The following STK32B variants were observed in gnomAD, a reference collection of about 807,000 sequenced individuals.
The protein encoded by STK32B is serine/threonine kinase 32B, also known as serine/threonine-protein kinase 32B.
In STK32B, 43 loss-of-function variants were observed where a neutral mutation model predicts 52.6. The ratio of observed to expected loss-of-function variants is 0.82; its 90% CI spans 0.64 to 1.05. STK32B has a LOEUF of 1.05. Among genes scored for constraint, STK32B ranks in the 50% least tolerant of loss-of-function variants. The probability of loss-of-function intolerance (pLI) is 0.00; values close to 1 mark genes in which losing one functional copy is unlikely to be tolerated. For missense variants in STK32B, 621 were observed against 534.6 expected (o/e 1.16, Z -1.59); for synonymous variants, 238 against 204.3 (o/e 1.17, Z -1.41).
intron 1 of STK32B, among the ~76,000 whole-genome samples, chr4:5,113,805 G>T (rs1175813641): frequency 6.6e-6 from 1 of 152,146 alleles, no homozygotes; most frequent in African/African-American, 2.4e-5. Flanking sequence ...AGGTTTAATG[G>T]ACTTACAGTT....
intron 1 of STK32B, among the ~76,000 whole-genome samples, chr4:5,136,091 C>A (rs182903417): frequency 6.6e-6 from 1 of 152,160 alleles, no homozygotes; most frequent in Non-Finnish European, 1.5e-5. Context: ...ATTCTGAAAA[C>A]GCCACTGGAT....
chr4:5,022,709 A>T, the STK32B span, among the ~76,000 whole-genome samples: 1 of 152,220 alleles, frequency 6.6e-6, no homozygotes, highest in African/African-American at 2.4e-5. Flanking sequence ...TCTCTGAGGT[A>T]GATATCGGCC....
the STK32B span, among the ~76,000 whole-genome samples, chr4:5,033,149 G>A: frequency 6.6e-6 from 1 of 152,162 alleles, no homozygotes; most frequent in Non-Finnish European, 1.5e-5. Flanking sequence ...TAGCCTATAA[G>A]GGCCCCAGGG....
At position 5,467,939 on chromosome 4, in the gene STK32B, T is replaced by A; in HGVS notation, c.1042-67T>A. 1 of 1,567,760 alleles carries A rather than the reference T, an allele frequency of 6.4e-7. No individual in the cohort carries two copies. The highest frequency in any genetic ancestry group is 8.8e-7 in the Non-Finnish European group (1 of 1,138,974). On this transcript the variant is annotated intron_variant, in intron 10 of 11. Transcript: ENST00000282908. This position sits in a 1 kb window ranked among gnomAD's most constrained non-coding sequence, Gnocchi z 5.8. ...TCTAGGTCAGTCTGCCGTCCTGTGA[T>A]GCTCCATTACCGCGCGTCCCCGGAC... is the stretch of plus-strand genomic sequence containing the variant.
chr4:5,472,717 CT>C (rs1370614355), intron 11 of STK32B, among the ~76,000 whole-genome samples: 2 of 152,204 alleles, frequency 1.3e-5, no homozygotes, highest in African/African-American at 4.8e-5. Context: ...AAAGCTACCC[CT>C]GGAGTCCTTG....
intron 2 of STK32B, among the ~76,000 whole-genome samples, chr4:5,162,880 C>T (rs1015873272): frequency 2.0e-5 from 3 of 152,210 alleles, no homozygotes; most frequent in African/African-American, 7.2e-5. Context: ...CCTTCTAGAA[C>T]ACCTGTTGTG....
chr4:5,435,082 G>A lies in STK32B; in HGVS notation c.563-11591G>A, dbSNP rs116500779. On this transcript the variant is annotated intron_variant, in intron 6 of 11. Transcript: ENST00000282908. ...GGAAGACTGACATGTGGAGGCATCT[G>A]TTCCCCACAAAGCCCTGCACGAATG... Among the ~76,000 whole-genome samples, 607 of 152,266 alleles carry A rather than the reference G, an allele frequency of 4.0e-3. 2 individuals carry two copies. Among genetic ancestry groups the A allele is most frequent in the African/African-American group, 0.014 (587 of 41,548 alleles).
rs997351976 is a variant in STK32B at position 5,470,234 on chromosome 4, G to T, written c.1106+2164G>T. On this transcript the variant is annotated intron_variant, in intron 11 of 11. Transcript: ENST00000282908. The surrounding 1 kb of genome is among the most constrained non-coding windows in gnomAD (Gnocchi z 4.6). ...GCCGAGTAGATGTTTTCTTCCTCAC[G>T]TGTAAATGGGAATTGATGAGGGAAA... is the stretch of plus-strand genomic sequence containing the variant. Among the ~76,000 whole-genome samples the T allele has an allele frequency of 6.6e-6, 1 of 152,120 alleles. No homozygotes were observed. Among genetic ancestry groups the T allele is most frequent in the African/African-American group, 2.4e-5 (1 of 41,422 alleles).
At chr4:5,100,316 C>A (rs1030745959) in intron 1 of STK32B, among the ~76,000 whole-genome samples, 7 of 146,514 alleles carry the variant, frequency 4.8e-5, no homozygotes, top group Non-Finnish European at 9.0e-5. Flanking sequence ...GGTTACCCCT[C>A]CCTCCCTTCT....
intron 3 of STK32B, among the ~76,000 whole-genome samples, chr4:5,276,134 C>T (rs1727805686): frequency 6.6e-6 from 1 of 151,956 alleles, no homozygotes; most frequent in Non-Finnish European, 1.5e-5. Context: ...ACTAAAAACA[C>T]AAAAATTAGT....
chr4:5,024,872 C>T, the STK32B span, among the ~76,000 whole-genome samples: 2 of 152,240 alleles, frequency 1.3e-5, no homozygotes, highest in Non-Finnish European at 2.9e-5. Context: ...GCAGTTACAA[C>T]GGCTTTACAC....
intron 3 of STK32B, among the ~76,000 whole-genome samples, chr4:5,242,205 T>C (rs1010253060): frequency 2.6e-5 from 4 of 152,206 alleles, no homozygotes; most frequent in Admixed American, 2.0e-4. Context: ...AGTGTATAAG[T>C]GTTCCTATTT....
intron 3 of STK32B, among the ~76,000 whole-genome samples, chr4:5,299,777 T>C (rs1577312541): frequency 6.6e-6 from 1 of 152,140 alleles, no homozygotes; most frequent in Non-Finnish European, 1.5e-5. Flanking sequence ...TACCATGTTA[T>C]GAAATTGGAT....
At chr4:5,354,545 C>T (rs1033417628) in intron 4 of STK32B, among the ~76,000 whole-genome samples, 2 of 152,188 alleles carry the variant, frequency 1.3e-5, no homozygotes, top group Non-Finnish European at 2.9e-5. Flanking sequence ...GGATTACAGG[C>T]GTGACCACCA....
intron 2 of STK32B, among the ~76,000 whole-genome samples, chr4:5,153,295 G>A (rs1717525414): frequency 6.6e-6 from 1 of 152,144 alleles, no homozygotes; most frequent in East Asian, 1.9e-4. Flanking sequence ...GCTTCTTCCA[G>A]TCATGGAAAC....
At chr4:5,189,164 C>T (rs1256577318) in intron 3 of STK32B, among the ~76,000 whole-genome samples, 2 of 152,160 alleles carry the variant, frequency 1.3e-5, no homozygotes, top group Admixed American at 6.5e-5. Flanking sequence ...ACATCACTAT[C>T]ACCCAGGATC....
chr4:5,049,511 A>T (rs1172298089), upstream of STK32B, among the ~76,000 whole-genome samples: 1 of 152,146 alleles, frequency 6.6e-6, no homozygotes. Flanking sequence ...GGTTATGGAA[A>T]ATTAAAGTCA....
intron 4 of STK32B, among the ~76,000 whole-genome samples, chr4:5,375,071 G>A (rs1735498173): frequency 6.6e-6 from 1 of 152,298 alleles, no homozygotes; most frequent in East Asian, 1.9e-4. Context: ...TGAGGTCAAT[G>A]TGAGCGCCTG....
At chr4:5,205,087 T>A (rs1233424385) in intron 3 of STK32B, among the ~76,000 whole-genome samples, 1 of 152,202 alleles carries the variant, frequency 6.6e-6, no homozygotes, top group East Asian at 1.9e-4. Context: ...AGAGCACATT[T>A]TCCCTCTCTT....
Sources: allele counts gnomAD v4.1 joint callset (sites outside exome capture counted in the v4.1 genomes callset), GRCh38; gene constraint gnomAD v4.1.1; non-coding constraint Gnocchi (gnomAD v3.1); transcripts MANE v1.5; gene names NCBI Gene and HGNC (gene_info 2026-07-23, HGNC 2026-07-21).